Variants in PCDHAC1 observed in about 807,000 individuals in gnomAD.
PCDHAC1 encodes protocadherin alpha subfamily C, 1.
In PCDHAC1, 42 loss-of-function variants were observed where a neutral mutation model predicts 60.0. The observed-to-expected ratio is 0.70, with a 90% CI of 0.55 to 0.90. The LOEUF is 0.90. Among genes scored for constraint, PCDHAC1 ranks in the 40% least tolerant of loss-of-function variants. The pLI is 0.00. For synonymous variants in PCDHAC1, 468 were observed against 499.3 expected, an observed-to-expected ratio of 0.94 and a Z score of 0.84; for missense variants, 1,160 against 1,222.3, an observed-to-expected ratio of 0.95 and a Z score of 0.76.
chr5:140,959,729 C>T (rs910806194), intron 1 of PCDHAC1, among the ~76,000 whole-genome samples: 3 of 152,126 alleles, frequency 2.0e-5, no homozygotes, highest in South Asian at 4.1e-4. Context: ...ATAACATTAT[C>T]TCATCAAAAT....
In PCDHAC1 at chr5:141,010,237, G is replaced by C; in HGVS notation, c.*300G>C. 2.6e-6 allele frequency: 4 copies of C among 1,551,914 alleles called. No individual in the cohort carries two copies. The highest frequency in any genetic ancestry group is 3.5e-6 in the Non-Finnish European group (4 of 1,147,042). On this transcript the variant is annotated 3_prime_UTR_variant, in exon 4 of 4. Coordinates refer to ENST00000253807, the MANE Select transcript of PCDHAC1 (RefSeq NM_018898.5). ...AGAGGCTTCCCAGCCCCGCCAGTGA[G>C]AGGTTGGACTCTCTGCCCTGTGCTC...
chr5:140,985,889 G>A (rs549796234), intron 3 of PCDHAC1, among the ~76,000 whole-genome samples: 61 of 151,864 alleles, frequency 4.0e-4, no homozygotes, highest in Non-Finnish European at 5.7e-4. Context: ...ACAGGCGCCC[G>A]CCACCACTCC....
chr5:140,968,670 T>C lies in PCDHAC1; in HGVS notation c.2434-10279T>C, dbSNP rs782754896. 23 of 1,614,180 alleles carry C rather than the reference T, an allele frequency of 1.4e-5. No homozygotes were observed. Among genetic ancestry groups the C allele is most frequent in the Non-Finnish European group, 1.8e-5 (21 of 1,180,034 alleles). On this transcript the variant is annotated intron_variant, in intron 1 of 3. Coordinates refer to ENST00000253807, the MANE Select transcript of PCDHAC1 (RefSeq NM_018898.5). ...ACTTCTGACCTGGACCTCTTTAAGG[T>C]AGAGCTGCACACAGGAGAAATTAGG...
intron 1 of PCDHAC1, among the ~76,000 whole-genome samples, chr5:140,946,700 G>T (rs2094011625): frequency 6.7e-6 from 1 of 148,322 alleles, no homozygotes; most frequent in African/African-American, 2.5e-5. Flanking sequence ...GGATGAATCT[G>T]GAGGTCATTA....
At chr5:140,950,517 A>G (rs1210598995) in intron 1 of PCDHAC1, among the ~76,000 whole-genome samples, 1 of 152,012 alleles carries the variant, frequency 6.6e-6, no homozygotes, top group African/African-American at 2.4e-5. Flanking sequence ...CCTGTGTGCG[A>G]TATGATTGTT....
intron 3 of PCDHAC1, among the ~76,000 whole-genome samples, chr5:140,991,094 A>G (rs144874764): frequency 9.8e-4 from 150 of 152,358 alleles, no homozygotes; most frequent in African/African-American, 3.5e-3. Context: ...ATTAAAGCTC[A>G]TAAGAATTAA....
chr5:140,989,874 A>C (rs1328387054), intron 3 of PCDHAC1, among the ~76,000 whole-genome samples: 1 of 152,098 alleles, frequency 6.6e-6, no homozygotes, highest in Admixed American at 6.6e-5. Context: ...TCTCTGCCTC[A>C]GCACTTGGAG....
At chr5:141,000,011 C>T (rs548995159) in intron 3 of PCDHAC1, among the ~76,000 whole-genome samples, 1 of 152,166 alleles carries the variant, frequency 6.6e-6, no homozygotes, top group East Asian at 1.9e-4. Flanking sequence ...TTGGCCTCCC[C>T]ATTGCTAAGC....
intron 3 of PCDHAC1, among the ~76,000 whole-genome samples, chr5:140,987,254 T>C (rs1358606591): frequency 1.3e-5 from 2 of 151,878 alleles, no homozygotes; most frequent in Non-Finnish European, 1.5e-5. Flanking sequence ...AAAGACATTC[T>C]CAGGAATGGG....
intron 1 of PCDHAC1, among the ~76,000 whole-genome samples, chr5:140,938,344 G>A (rs569264531): frequency 6.6e-6 from 1 of 152,264 alleles, no homozygotes; most frequent in Non-Finnish European, 1.5e-5. Context: ...GGATAATCTT[G>A]TCTTATTCCT....
chr5:140,929,159 A>G lies in PCDHAC1; in HGVS notation c.2267A>G (p.Tyr756Cys), dbSNP rs781818133. The G allele has an allele frequency of 1.7e-5, 27 of 1,613,968 alleles. No homozygotes were observed. Among genetic ancestry groups the G allele is most frequent in the South Asian group, 1.4e-4 (13 of 91,088 alleles). The change falls in exon 1 of 4, where the codon TAT becomes TGT. Residue 756 changes from tyrosine to cysteine, a missense_variant. This residue lies in a region of PCDHAC1 where 1,113 missense variants were observed against 1,163.7 expected (regional missense o/e 0.96). Coordinates refer to ENST00000253807, the MANE Select transcript of PCDHAC1 (RefSeq NM_018898.5). The stretch of plus-strand genomic sequence containing the variant: ...GAGAGACTTTCTCAGACTTATCTCT[A>G]TCGGGCCTCTCTGGGACTTGGTTCT... ...TVERLSQTYL[Y>C]RASLGLGSDN... is the part of the protein sequence containing the mutation.
Position 140,989,317 on chromosome 5 carries a change from C to T in PCDHAC1, c.2581+6754C>T, listed in dbSNP as rs184467267. Among the ~76,000 whole-genome samples, 489 of 152,240 alleles carry T rather than the reference C, an allele frequency of 3.2e-3. 2 individuals carry two copies. Among genetic ancestry groups the T allele is most frequent in the African/African-American group, 0.011 (440 of 41,530 alleles). Reference sequence around the variant, plus strand: ...AAAGGGCCAAGGAAGTAGGGTCTCACCAACTTTGCCACCTGACTCAGCTCA... The same window carrying T: ...AAAGGGCCAAGGAAGTAGGGTCTCATCAACTTTGCCACCTGACTCAGCTCA... On this transcript the variant is annotated intron_variant, in intron 3 of 3. Transcript: ENST00000253807.
intron 3 of PCDHAC1, among the ~76,000 whole-genome samples, chr5:141,004,400 G>A (rs183932833): frequency 7.4e-4 from 113 of 152,304 alleles, no homozygotes; most frequent in African/African-American, 2.7e-3. Flanking sequence ...TGTGGAGGAG[G>A]CACCTGACTA....
chr5:140,991,719 A>T (rs1451245400), intron 3 of PCDHAC1, among the ~76,000 whole-genome samples: 1 of 152,194 alleles, frequency 6.6e-6, no homozygotes, highest in African/African-American at 2.4e-5. Flanking sequence ...TGCTACTAGC[A>T]GCCTGTTCAA....
In PCDHAC1 at chr5:141,009,850, C is replaced by A; in HGVS notation, c.2805C>A (p.Thr935=). The A allele has an allele frequency of 1.2e-6, 2 of 1,613,572 alleles. No individual in the cohort carries two copies. Among genetic ancestry groups the A allele is most frequent in the Non-Finnish European group, 1.7e-6 (2 of 1,179,906 alleles). ...DFITFGKKEE[T]KKKKKKKKGN... ...TAACCTTCGGCAAAAAGGAGGAGAC[C>A]AAGAAAAAGAAGAAAAAGAAGAAGG... The change falls in exon 4 of 4, where the codon ACC becomes ACA. Residue 935 remains threonine (T), a synonymous_variant. Coordinates refer to ENST00000253807, the MANE Select transcript of PCDHAC1 (RefSeq NM_018898.5).
Position 140,928,467 on chromosome 5 carries a change from A to C in PCDHAC1, c.1575A>C (p.Val525=), listed in dbSNP as rs782319281. The C allele has an allele frequency of 1.8e-5, 29 of 1,614,142 alleles. No individual in the cohort carries two copies. The highest frequency in any genetic ancestry group is 2.3e-5 in the Non-Finnish European group (27 of 1,180,022). Residue 525 remains valine (V), a synonymous_variant, in exon 1 of 4, where the codon GTA becomes GTC. Coordinates refer to ENST00000253807, the MANE Select transcript of PCDHAC1 (RefSeq NM_018898.5). ...AGCTCAGGGGGTTTCATTTCCAAGT[A>C]GAAGGCCGGGATGGTGGCATTCCTC... The part of the protein sequence containing the change: ...FEQLRGFHFQ[V]EGRDGGIPPR...
Position 140,928,163 on chromosome 5 carries a change from C to A in PCDHAC1, c.1271C>A (p.Pro424Gln). The change falls in exon 1 of 4, where the codon CCA (proline) becomes CAA (glutamine). Residue 424 changes from proline (P) to glutamine (Q), a missense_variant. Pro to Gln is a moderately conservative substitution (Grantham distance 76). Transcript: ENST00000253807. ...LITASDSGSPPLSTRRTITVS... is the reference protein window; with the variant it reads ...LITASDSGSPQLSTRRTITVS... ...ACGGCCTCAGATAGTGGCTCACCCC[C>A]ACTTAGCACCCGAAGGACAATCACT... The A allele has an allele frequency of 6.2e-7, 1 of 1,614,204 alleles. No individual in the cohort carries two copies. Among genetic ancestry groups the A allele is most frequent in the Non-Finnish European group, 8.5e-7 (1 of 1,180,038 alleles).
intron 3 of PCDHAC1, among the ~76,000 whole-genome samples, chr5:141,005,884 T>G (rs1554260408): frequency 6.6e-6 from 1 of 151,862 alleles, no homozygotes; most frequent in Non-Finnish European, 1.5e-5. Flanking sequence ...GAGTTTGAGG[T>G]TACATCAAGC....
chr5:141,009,374 G>C (rs567366098), intron 3 of PCDHAC1, among the ~76,000 whole-genome samples: 1 of 152,216 alleles, frequency 6.6e-6, no homozygotes, highest in African/African-American at 2.4e-5. Context: ...TGGGAGGATT[G>C]ATTGAGCACA....
Sources: gnomAD v4.1 joint callset for allele counts (sites outside exome capture counted in the v4.1 genomes callset) on GRCh38, gnomAD v4.1.1 for gene constraint, gnomAD v4.1.1 regional missense constraint, MANE v1.5 for transcripts, NCBI Gene and HGNC (gene_info 2026-07-23, HGNC 2026-07-21) for gene names.